Variants in FAT3 observed in about 807,000 individuals in gnomAD.
The protein encoded by FAT3 is FAT atypical cadherin 3.
FAT3 carries 95 observed loss-of-function variants against 310.2 expected under a neutral mutation model. The observed-to-expected ratio is 0.31, with a 90% confidence interval of 0.26 to 0.36. The LOEUF is 0.36. Ranked by LOEUF, FAT3 falls within the 10% of genes least tolerant of loss-of-function variation. The pLI, the probability that FAT3 is intolerant of heterozygous loss-of-function variation, is 1.00. For missense variants in FAT3, 5,408 were observed against 5,715.6 expected (o/e 0.95, Z 1.74); for synonymous variants, 2,314 against 2,192.9 (o/e 1.06, Z -1.54).
Position 92,799,093 on chromosome 11 carries a change from A to G in FAT3, c.6080A>G (p.Lys2027Arg). 6.2e-7 allele frequency: 1 copy of G among 1,614,014 alleles called. No homozygotes were observed. The highest frequency in any genetic ancestry group is 8.5e-7 in the Non-Finnish European group (1 of 1,179,884). ...YSILNPGNKF[K>R]IKSTSGVIQT... ...ATCTTAAACCCAGGAAATAAGTTCA[A>G]GATAAAATCTACCTCAGGGGTCATT... Residue 2027 changes from lysine to arginine, a missense_variant, in exon 10 of 28, where the codon AAG becomes AGG. Around this residue, in one of 5 missense-constraint regions of FAT3, gnomAD observed 4,588 missense variants for 4,809.8 expected, o/e 0.95. Coordinates refer to ENST00000525166, the MANE Select transcript of FAT3 (RefSeq NM_001367949.2).
At chr11:92,266,340 C>T (rs1945949870) in intron 1 of FAT3, among the ~76,000 whole-genome samples, 1 of 152,084 alleles carries the variant, frequency 6.6e-6, no homozygotes, top group African/African-American at 2.4e-5. Context: ...TGGGCAGGAG[C>T]TGAGGAAGTG....
At chr11:92,600,264 G>A (rs1225898370) in intron 3 of FAT3, among the ~76,000 whole-genome samples, 2 of 152,128 alleles carry the variant, frequency 1.3e-5, no homozygotes, top group African/African-American at 4.8e-5. Flanking sequence ...AGTGTATAGA[G>A]ACCCCTAGTG....
In FAT3 at chr11:92,792,800, T is replaced by C. The variant is rs769756315; in HGVS notation, c.4645T>C (p.Leu1549=). 3.1e-6 allele frequency: 5 copies of C among 1,613,848 alleles called. No individual in the cohort carries two copies. The highest frequency in any genetic ancestry group is 2.5e-6 in the Non-Finnish European group (3 of 1,179,744). Residue 1549 remains leucine (L), a synonymous_variant, in exon 9 of 28, where the codon TTG becomes CTG. Coordinates refer to ENST00000525166, the MANE Select transcript of FAT3 (RefSeq NM_001367949.2). ...TCAGGAGTTTCCTTATCGAAGAAACTTGGCCCGAGTCATTGTGAATGTGGA... is the reference window on the plus strand; with the variant it reads ...TCAGGAGTTTCCTTATCGAAGAAACCTGGCCCGAGTCATTGTGAATGTGGA... The part of the protein sequence containing the change: ...RDQEFPYRRN[L]ARVIVNVEDA...
At chr11:92,635,554 CAG>C (rs969786709) in intron 3 of FAT3, among the ~76,000 whole-genome samples, 2 of 152,152 alleles carry the variant, frequency 1.3e-5, no homozygotes, top group African/African-American at 4.8e-5. Flanking sequence ...GGCTTCAACT[CAG>C]GGTGTGATTT....
intron 3 of FAT3, among the ~76,000 whole-genome samples, chr11:92,653,041 C>T (rs984134065): frequency 6.6e-6 from 1 of 152,196 alleles, no homozygotes; most frequent in Non-Finnish European, 1.5e-5. Flanking sequence ...TGCCTGTAAC[C>T]TCAGCTACTT....
chr11:92,310,355 A>G (rs191089785), intron 1 of FAT3, among the ~76,000 whole-genome samples: 22 of 152,320 alleles, frequency 1.4e-4, no homozygotes, highest in Admixed American at 1.3e-3. Flanking sequence ...GTGGGAATAC[A>G]CATGTTGATA....
chr11:92,449,575 G>A (rs868168227), intron 2 of FAT3, among the ~76,000 whole-genome samples: 1 of 152,112 alleles, frequency 6.6e-6, no homozygotes, highest in South Asian at 2.1e-4. Flanking sequence ...GTGCATTTAG[G>A]GAACATACAT....
intron 2 of FAT3, among the ~76,000 whole-genome samples, chr11:92,403,651 A>G (rs1217208084): frequency 1.3e-5 from 2 of 152,224 alleles, no homozygotes; most frequent in Non-Finnish European, 2.9e-5. Flanking sequence ...CAACTGCACT[A>G]CTAAAGGCCC....
intron 2 of FAT3, among the ~76,000 whole-genome samples, chr11:92,478,144 A>G (rs757077781): frequency 2.6e-5 from 4 of 152,236 alleles, no homozygotes; most frequent in Non-Finnish European, 5.9e-5. Context: ...ATGTTTTCCT[A>G]GGCCTTGAAA....
intron 3 of FAT3, among the ~76,000 whole-genome samples, chr11:92,651,839 G>A (rs1459985437): frequency 6.6e-6 from 1 of 152,164 alleles, no homozygotes; most frequent in African/African-American, 2.4e-5. Flanking sequence ...TTATTCCCCA[G>A]CTCTTGAACT....
chr11:92,350,677 A>C (rs1948540900), intron 1 of FAT3, among the ~76,000 whole-genome samples: 1 of 152,156 alleles, frequency 6.6e-6, no homozygotes, highest in South Asian at 2.1e-4. Flanking sequence ...AACTAAATAG[A>C]TTAACTTCTC....
intron 3 of FAT3, among the ~76,000 whole-genome samples, chr11:92,543,033 A>G (rs980479499): frequency 6.6e-6 from 1 of 152,116 alleles, no homozygotes; most frequent in African/African-American, 2.4e-5. Context: ...AGCAACGTGG[A>G]TGGACCTGGA....
intron 2 of FAT3, chr11:92,403,391 C>T (rs1281014149): frequency 2.6e-5 from 4 of 152,072 alleles, no homozygotes; most frequent in Non-Finnish European, 5.9e-5. Context: ...GCTTATTTTT[C>T]CCTAAAAAGG....
intron 2 of FAT3, among the ~76,000 whole-genome samples, chr11:92,406,256 T>G (rs1488073179): frequency 6.6e-6 from 1 of 152,214 alleles, no homozygotes; most frequent in Non-Finnish European, 1.5e-5. Context: ...GAGACTCTTT[T>G]ACCATTTGAG....
chr11:92,373,425 T>C (rs1162457428), intron 2 of FAT3, among the ~76,000 whole-genome samples: 1 of 152,196 alleles, frequency 6.6e-6, no homozygotes, highest in Non-Finnish European at 1.5e-5. Context: ...TCCATGGTTC[T>C]ATCTCTTGTC....
At chr11:92,795,830 C>A (rs1343983155) in intron 9 of FAT3, among the ~76,000 whole-genome samples, 1 of 152,076 alleles carries the variant, frequency 6.6e-6, no homozygotes. Flanking sequence ...ATCACCTGAA[C>A]CCAGGAGACA....
chr11:92,263,656 G>T lies in FAT3; in HGVS notation c.-18+38482G>T, dbSNP rs775497818. On this transcript the variant is annotated intron_variant, in intron 1 of 27. Coordinates refer to ENST00000525166, the MANE Select transcript of FAT3 (RefSeq NM_001367949.2). ...GTGTGTGTATATATATATATATATA[G>T]AGAGAGATGCATATATATTTGCATG... Among the ~76,000 whole-genome samples, 7 of 150,888 alleles carry T rather than the reference G, an allele frequency of 4.6e-5. No homozygotes were observed. The South Asian group carries it at 6.3e-4, about 13-fold the overall frequency.
At chr11:92,385,435 T>A (rs1477643148) in intron 2 of FAT3, among the ~76,000 whole-genome samples, 1 of 152,190 alleles carries the variant, frequency 6.6e-6, no homozygotes, top group African/African-American at 2.4e-5. Context: ...TGTCACAATC[T>A]TGGCTCACTG....
At chr11:92,734,131 A>G (rs1298250748) in intron 4 of FAT3, among the ~76,000 whole-genome samples, 2 of 152,226 alleles carry the variant, frequency 1.3e-5, no homozygotes, top group African/African-American at 4.8e-5. Context: ...AGAGGAGTAC[A>G]TTACTGGTTT....
Sources: allele counts gnomAD v4.1 joint callset (sites outside exome capture counted in the v4.1 genomes callset), GRCh38; gene constraint gnomAD v4.1.1; regional missense constraint gnomAD v4.1.1; transcripts MANE v1.5; gene names NCBI Gene and HGNC (gene_info 2026-07-23, HGNC 2026-07-21).